Variants in FAT3 observed in about 807,000 individuals in gnomAD.
FAT3 encodes the protein FAT atypical cadherin 3.
In FAT3, 95 loss-of-function variants were observed where a neutral mutation model predicts 310.2. That is an observed-to-expected ratio of 0.31 (90% CI 0.26 to 0.36). FAT3 has a LOEUF of 0.36. Among genes scored for constraint, FAT3 ranks in the 10% least tolerant of loss-of-function variants. The pLI is 1.00. For synonymous variants in FAT3, 2,314 were observed against 2,192.9 expected (o/e 1.06, Z -1.54); for missense variants, 5,408 against 5,715.6 (o/e 0.95, Z 1.74).
At chr11:92,410,516 A>G (rs930875541) in intron 2 of FAT3, among the ~76,000 whole-genome samples, 20 of 152,040 alleles carry the variant, frequency 1.3e-4, no homozygotes, top group African/African-American at 4.8e-4. Flanking sequence ...TAATCTGACA[A>G]TGTCTTTGTT....
At chr11:92,531,519 G>C (rs1954071350) in intron 3 of FAT3, among the ~76,000 whole-genome samples, 1 of 152,122 alleles carries the variant, frequency 6.6e-6, no homozygotes, top group Non-Finnish European at 1.5e-5. Context: ...TGCCCTGGCT[G>C]GGACCTTATC....
At chr11:92,613,271 G>T (rs573063448) in intron 3 of FAT3, among the ~76,000 whole-genome samples, 1 of 152,210 alleles carries the variant, frequency 6.6e-6, no homozygotes, top group South Asian at 2.1e-4. Flanking sequence ...CCAGCCTCTT[G>T]CTTCTCCTCA....
intron 2 of FAT3, among the ~76,000 whole-genome samples, chr11:92,434,319 C>T (rs2135043305): frequency 6.6e-6 from 1 of 152,278 alleles, no homozygotes; most frequent in African/African-American, 2.4e-5. Context: ...TACATCATTT[C>T]TACTCACAGC....
At chr11:92,478,440 T>G (rs2135180721) in intron 2 of FAT3, among the ~76,000 whole-genome samples, 1 of 152,284 alleles carries the variant, frequency 6.6e-6, no homozygotes, top group East Asian at 1.9e-4. Context: ...CTTCAGCTCA[T>G]TTGGCCTTGG....
rs956560527 is a variant in FAT3, at chr11:92,883,898, A to G, written c.12937+505A>G. ...GAAGACTTGAGAGAAGCAGAGGGACACTTCAATTGGACCATGATGAGTTAA... is the reference window on the plus strand; with the variant it reads ...GAAGACTTGAGAGAAGCAGAGGGACGCTTCAATTGGACCATGATGAGTTAA... On this transcript the variant is annotated intron_variant, in intron 24 of 27. Transcript: ENST00000525166. The surrounding 1 kb of genome is among the most constrained non-coding windows in gnomAD (Gnocchi z 4.2). Among the ~76,000 whole-genome samples, 1 of 152,226 alleles carries G rather than the reference A, an allele frequency of 6.6e-6. No homozygotes were observed. Among genetic ancestry groups the G allele is most frequent in the African/African-American group, 2.4e-5 (1 of 41,458 alleles).
chr11:92,239,517 T>C (rs943357918), intron 1 of FAT3, among the ~76,000 whole-genome samples: 4 of 152,140 alleles, frequency 2.6e-5, no homozygotes, highest in African/African-American at 9.7e-5. Flanking sequence ...GTGGAAAAGT[T>C]AACCAGTGCC....
chr11:92,336,392 C>G (rs1948083092), intron 1 of FAT3: 1 of 348,684 alleles, frequency 2.9e-6, no homozygotes, highest in Non-Finnish European at 5.6e-6. Context: ...CGACCACAGT[C>G]CTGGAGAAGC....
At position 92,806,392 on chromosome 11, in the gene FAT3, A is replaced by T; in HGVS notation, c.9124A>T (p.Ile3042Phe). ...VAYTALLPED[I>F]PSNKIILKVS... is the part of the protein sequence containing the mutation. ...ATATACAGCATTACTTCCTGAAGAC[A>T]TTCCATCAAATAAAATCATCCTGAA... The change falls in exon 12 of 28, where the codon ATT becomes TTT. Residue 3042 changes from isoleucine (I) to phenylalanine (F), a missense_variant. Coordinates refer to ENST00000525166, the MANE Select transcript of FAT3 (RefSeq NM_001367949.2). 2 of 1,599,446 alleles carry T rather than the reference A, an allele frequency of 1.3e-6. No homozygotes were observed. Among genetic ancestry groups the T allele is most frequent in the Non-Finnish European group, 1.7e-6 (2 of 1,172,064 alleles).
chr11:92,842,642 CAGG>C (rs1226865754), intron 18 of FAT3, among the ~76,000 whole-genome samples: 8 of 152,178 alleles, frequency 5.3e-5, no homozygotes, highest in African/African-American at 1.9e-4. Context: ...TAGGCCAAGG[CAGG>C]AGGATTGCTT....
intron 3 of FAT3, among the ~76,000 whole-genome samples, chr11:92,634,749 T>A (rs899135326): frequency 6.6e-6 from 1 of 152,132 alleles, no homozygotes; most frequent in African/African-American, 2.4e-5. Flanking sequence ...ATAAGTAGTG[T>A]TATGGACTGA....
chr11:92,664,321 G>A (rs1942887955), intron 3 of FAT3, among the ~76,000 whole-genome samples: 1 of 152,092 alleles, frequency 6.6e-6, no homozygotes, highest in South Asian at 2.1e-4. Flanking sequence ...CTTCCACTAG[G>A]GTATGAGCTG....
intron 4 of FAT3, among the ~76,000 whole-genome samples, chr11:92,737,539 G>A (rs1945388693): frequency 6.6e-6 from 1 of 151,978 alleles, no homozygotes; most frequent in South Asian, 2.1e-4. Flanking sequence ...GTGTGTGTCT[G>A]TGTGTGTGAG....
intron 2 of FAT3, among the ~76,000 whole-genome samples, chr11:92,480,234 C>T (rs939269235): frequency 6.6e-6 from 1 of 152,112 alleles, no homozygotes; most frequent in Non-Finnish European, 1.5e-5. Context: ...CACTGCACTC[C>T]AGCCTGGGCG....
intron 3 of FAT3, among the ~76,000 whole-genome samples, chr11:92,543,397 A>T (rs1429119819): frequency 6.6e-6 from 1 of 152,118 alleles, no homozygotes; most frequent in Non-Finnish European, 1.5e-5. Flanking sequence ...GCTCGATTTT[A>T]TTTTTACACA....
intron 2 of FAT3, among the ~76,000 whole-genome samples, chr11:92,432,092 A>G (rs1186951): frequency 0.67 from 101,915 of 151,896 alleles, 37,718 homozygotes; most frequent in Non-Finnish European, 0.8. Flanking sequence ...CTTGGGCAGT[A>G]TGGCCATTTT....
At chr11:92,831,362 G>A (rs568296564) in intron 13 of FAT3, among the ~76,000 whole-genome samples, 1 of 152,214 alleles carries the variant, frequency 6.6e-6, no homozygotes, top group South Asian at 2.1e-4. Context: ...AGATTTGTGG[G>A]GGGCGAGTTG....
In FAT3 at chr11:92,524,780, C is replaced by T. The variant is rs758628483; in HGVS notation, c.3439C>T (p.Leu1147=). ...EVEDVNDNAP[L]TSEPIYYPVV... ...TGAAGATGTGAATGACAATGCCCCG[C>T]TGACCTCAGAACCTATATATTATCC... Residue 1147 remains leucine (L), a synonymous_variant, in exon 3 of 28, where the codon CTG becomes TTG. Transcript: ENST00000525166. The T allele has an allele frequency of 1.1e-5, 17 of 1,613,678 alleles. No individual in the cohort carries two copies. Among genetic ancestry groups the T allele is most frequent in the Non-Finnish European group, 1.4e-5 (17 of 1,179,826 alleles).
At position 92,890,792 on chromosome 11, in the gene FAT3, G is replaced by A. The variant is rs373527143; in HGVS notation, c.13449G>A (p.Arg4483=). The A allele has an allele frequency of 2.0e-5, 33 of 1,613,506 alleles. No individual in the cohort carries two copies. The highest frequency in any genetic ancestry group is 2.7e-5 in the African/African-American group (2 of 74,806). The change falls in exon 28 of 28, where the codon AGG becomes AGA. Residue 4483 remains arginine (R), a synonymous_variant. Coordinates refer to ENST00000525166, the MANE Select transcript of FAT3 (RefSeq NM_001367949.2). The stretch of plus-strand genomic sequence containing the variant: ...CCAGCACACTGAGCCCAGACTGCAG[G>A]AGAAGGCCCCAGTTTCATCCTAGCC... The part of the protein sequence containing the change: ...SLASTLSPDC[R]RRPQFHPSQY...
Position 92,790,031 on chromosome 11 carries a change from C to T in FAT3, c.4424C>T (p.Pro1475Leu), listed in dbSNP as rs1296702885. 3.1e-6 allele frequency: 5 copies of T among 1,613,802 alleles called. No homozygotes were observed. The highest frequency in any genetic ancestry group is 4.2e-6 in the Non-Finnish European group (5 of 1,179,750). ...GTGACAATTTCCGAGGATGTGCTTC[C>T]AGACACGGAGATCCTGCAGATTGAA... ...YDVTISEDVLPDTEILQIEAT... is the reference protein window; with the variant it reads ...YDVTISEDVLLDTEILQIEAT... Residue 1475 changes from proline (P) to leucine (L), a missense_variant, in exon 8 of 28, where the codon CCA becomes CTA. Pro to Leu is a moderately conservative substitution (Grantham distance 98, BLOSUM62 -3). Transcript: ENST00000525166.
Sources: gnomAD v4.1 joint callset for allele counts (sites outside exome capture counted in the v4.1 genomes callset) on GRCh38, gnomAD v4.1.1 for gene constraint, Gnocchi (gnomAD v3.1) non-coding constraint, MANE v1.5 for transcripts, NCBI Gene and HGNC (gene_info 2026-07-23, HGNC 2026-07-21) for gene names.